Variants in TAS2R1 observed in about 807,000 individuals in gnomAD.
TAS2R1 encodes taste receptor type 2 member 1.
For missense variants in TAS2R1, 370 were observed against 353.4 expected, an observed-to-expected ratio of 1.05 and a Z score of -0.38; for synonymous variants, 141 against 134.2, an observed-to-expected ratio of 1.05 and a Z score of -0.35.
chr5:9,718,423 C>G, the TAS2R1 span, among the ~76,000 whole-genome samples: 1 of 151,954 alleles, frequency 6.6e-6, no homozygotes, highest in Non-Finnish European at 1.5e-5. Flanking sequence ...ACATGAAAAA[C>G]TATTCATTAA....
chr5:9,899,682 C>A, the TAS2R1 span, among the ~76,000 whole-genome samples: 3 of 151,622 alleles, frequency 2.0e-5, no homozygotes, highest in South Asian at 6.3e-4. Context: ...AAATAAGCAG[C>A]CTCTCACAAG....
At chr5:9,875,641 C>T in the TAS2R1 span, among the ~76,000 whole-genome samples, 4 of 152,218 alleles carry the variant, frequency 2.6e-5, no homozygotes, top group Non-Finnish European at 5.9e-5. Context: ...GACCATTCTG[C>T]TGAAATCCCC....
chr5:9,699,875 A>G (rs1395140900), intron 1 of TAS2R1, among the ~76,000 whole-genome samples: 1 of 152,218 alleles, frequency 6.6e-6, no homozygotes, highest in African/African-American at 2.4e-5. Flanking sequence ...TCTTAAATCA[A>G]CATAAAGTTA....
chr5:9,633,319 T>TAC (rs61375498), upstream of TAS2R1, among the ~76,000 whole-genome samples: 53 of 137,440 alleles, frequency 3.9e-4, 1 homozygote, highest in East Asian at 1.4e-3. Flanking sequence ...TATATATATA[T>TAC]ACACAAATGT....
At chr5:9,769,765 A>AT in the TAS2R1 span, among the ~76,000 whole-genome samples, 11 of 151,904 alleles carry the variant, frequency 7.2e-5, no homozygotes, top group African/African-American at 1.9e-4. Context: ...GGATTGTTAG[A>AT]TTTTTTTTGT....
the TAS2R1 span, among the ~76,000 whole-genome samples, chr5:9,865,088 G>C: frequency 4.2e-4 from 64 of 152,182 alleles, no homozygotes; most frequent in Non-Finnish European, 3.7e-4. Context: ...TGATTATGGA[G>C]GCTGTCAGAG....
chr5:9,882,580 C>T, the TAS2R1 span, among the ~76,000 whole-genome samples: 2 of 152,146 alleles, frequency 1.3e-5, no homozygotes, highest in Non-Finnish European at 1.5e-5. Context: ...GAGCCGAGAT[C>T]ATGCCACTGC....
the TAS2R1 span, among the ~76,000 whole-genome samples, chr5:9,792,999 A>T: frequency 6.6e-6 from 1 of 152,238 alleles, no homozygotes; most frequent in Non-Finnish European, 1.5e-5. Context: ...ATTCCATTGC[A>T]TATAAAAGAT....
At chr5:9,630,707 A>G (rs1280690743), upstream of TAS2R1, among the ~76,000 whole-genome samples, 1 of 152,226 alleles carries the variant, frequency 6.6e-6, no homozygotes, top group Non-Finnish European at 1.5e-5. Context: ...TGAAATGAAG[A>G]CAAGCACTCA....
the TAS2R1 span, among the ~76,000 whole-genome samples, chr5:9,777,554 C>A: frequency 1.3e-5 from 2 of 152,182 alleles, no homozygotes; most frequent in African/African-American, 4.8e-5. Flanking sequence ...TCAAAGTCAT[C>A]CATGAGTTTT....
At chr5:9,830,611 A>G in the TAS2R1 span, among the ~76,000 whole-genome samples, 905 of 149,930 alleles carry the variant, frequency 6.0e-3, 2 homozygotes, top group Non-Finnish European at 9.7e-3. Context: ...GCGCGCACAC[A>G]CACACACACA....
At chr5:9,823,406 A>T in the TAS2R1 span, among the ~76,000 whole-genome samples, 1 of 151,950 alleles carries the variant, frequency 6.6e-6, no homozygotes, top group African/African-American at 2.4e-5. Context: ...CTTGACATAG[A>T]AACAGCAAAA....
At chr5:9,719,873 G>C in the TAS2R1 span, among the ~76,000 whole-genome samples, 1 of 137,270 alleles carries the variant, frequency 7.3e-6, no homozygotes, top group African/African-American at 2.8e-5. Flanking sequence ...AGCCGAGATC[G>C]CACCACTGCA....
the TAS2R1 span, among the ~76,000 whole-genome samples, chr5:9,871,020 T>C: frequency 6.6e-6 from 1 of 152,222 alleles, no homozygotes; most frequent in East Asian, 1.9e-4. Context: ...TTTTGTTACA[T>C]AATGCAGGGT....
chr5:9,713,259 T>C (rs897950765), upstream of TAS2R1: 2 of 152,184 alleles, frequency 1.3e-5, no homozygotes, highest in Admixed American at 1.3e-4. Flanking sequence ...AATCCCAACG[T>C]GTTATTACTG....
chr5:9,774,227 A>G, the TAS2R1 span, among the ~76,000 whole-genome samples: 2 of 152,168 alleles, frequency 1.3e-5, no homozygotes, highest in African/African-American at 4.8e-5. Context: ...CATCCTTCGG[A>G]TGTCAATTGC....
the TAS2R1 span, among the ~76,000 whole-genome samples, chr5:9,757,313 A>C: frequency 6.6e-6 from 1 of 152,204 alleles, no homozygotes; most frequent in Non-Finnish European, 1.5e-5. Context: ...AAACAAAGGC[A>C]TATGCCCACC....
the TAS2R1 span, among the ~76,000 whole-genome samples, chr5:9,840,348 A>C: frequency 6.6e-6 from 1 of 152,154 alleles, no homozygotes; most frequent in Admixed American, 6.5e-5. Context: ...AGAGTTCTTT[A>C]TCTGAATGAA....
At chr5:9,860,882 T>TTG in the TAS2R1 span, among the ~76,000 whole-genome samples, 3 of 152,022 alleles carry the variant, frequency 2.0e-5, no homozygotes, top group African/African-American at 4.8e-5. Context: ...GTGGGGCCAT[T>TTG]TGTGCTTCCT....
Sources: gnomAD v4.1 joint callset for allele counts (sites outside exome capture counted in the v4.1 genomes callset) on GRCh38, gnomAD v4.1.1 for gene constraint, MANE v1.5 for transcripts, NCBI Gene and HGNC (gene_info 2026-07-23, HGNC 2026-07-21) for gene names.